The following ECPAS variants were observed in gnomAD, a reference collection of about 807,000 sequenced individuals.
ECPAS encodes Ecm29 proteasome adaptor and scaffold, also known as proteasome adapter and scaffold protein ECM29.
Under a neutral mutation model 255.1 loss-of-function variants are expected in ECPAS, and 70 were observed. The observed-to-expected ratio is 0.27, with a 90% CI of 0.23 to 0.33. ECPAS has a LOEUF of 0.33. ECPAS is among the 10% of genes least tolerant of loss of function. ECPAS has a pLI of 1.00. For synonymous variants in ECPAS, 784 were observed against 775.0 expected (o/e 1.01, Z -0.19); for missense variants, 1,817 against 2,206.4 (o/e 0.82, Z 3.54).
At chr9:111,480,075 T>C (rs2098302247) in intron 1 of ECPAS, among the ~76,000 whole-genome samples, 1 of 152,216 alleles carries the variant, frequency 6.6e-6, no homozygotes, top group East Asian at 1.9e-4. Context: ...ATAAAGTTAT[T>C]TGACTATCAA....
rs1247444876 is a variant in ECPAS, at chr9:111,371,773, C to G, written c.4585G>C (p.Ala1529Pro). 6.2e-7 allele frequency: 1 copy of G among 1,613,824 alleles called. No homozygotes were observed. The highest frequency in any genetic ancestry group is 8.5e-7 in the Non-Finnish European group (1 of 1,179,808). Residue 1529 changes from alanine to proline, a missense_variant, in exon 43 of 50, where the codon GCT (alanine) becomes CCT (proline). Around this residue, in one of 4 missense-constraint regions of ECPAS, gnomAD observed 960 missense variants for 1,179.0 expected, o/e 0.81. Coordinates refer to ENST00000684092, the MANE Select transcript of ECPAS (RefSeq NM_001364929.1). ...ATTTTCCAGGACTGAGACTGCAAAG[C>G]CTTCTGGGTAATAGTAATTAACTCC... ...LQELITITQKALQSQSWKMKA... is the reference protein window; with the variant it reads ...LQELITITQKPLQSQSWKMKA...
intron 2 of ECPAS, among the ~76,000 whole-genome samples, chr9:111,467,958 G>A (rs1249682523): frequency 6.6e-6 from 1 of 152,072 alleles, no homozygotes; most frequent in Non-Finnish European, 1.5e-5. Context: ...TTCAAGACCA[G>A]CCTGACCAAT....
chr9:111,368,003 C>T (rs1377816028), intron 46 of ECPAS, among the ~76,000 whole-genome samples: 2 of 151,548 alleles, frequency 1.3e-5, no homozygotes, highest in Non-Finnish European at 2.9e-5. Flanking sequence ...CCACTGCACT[C>T]CAGCCTGGGC....
intron 1 of ECPAS, chr9:111,483,795 C>CG: frequency 5.0e-6 from 1 of 198,320 alleles, no homozygotes; most frequent in Non-Finnish European, 8.9e-6. Context: ...GCCGCTGCCG[C>CG]CGCCGCCGTC....
intron 2 of ECPAS, among the ~76,000 whole-genome samples, chr9:111,468,412 G>T (rs1278676644): frequency 1.3e-5 from 2 of 152,152 alleles, no homozygotes; most frequent in Non-Finnish European, 2.9e-5. Context: ...GTTTAAGCGA[G>T]AAAGTAGGTG....
rs150902786 is a variant in ECPAS, at chr9:111,404,495, G to C, written c.2652+4076C>G. Among the ~76,000 whole-genome samples, 15 of 148,956 alleles carry C rather than the reference G, an allele frequency of 1.0e-4. 1 individual carries two copies. In the East Asian group the frequency reaches 2.3e-3, roughly 22 times the overall value. The stretch of plus-strand genomic sequence containing the variant: ...CCCAATGTTGGAGGAGAGGCCTGGT[G>C]GGGGGGTGACTGGATCTTGGGGGTG... On this transcript the variant is annotated intron_variant, in intron 24 of 49. Coordinates refer to ENST00000684092, the MANE Select transcript of ECPAS (RefSeq NM_001364929.1).
chr9:111,384,591 C>T (rs775089752), intron 33 of ECPAS, 22 bp from the exon 34 acceptor site: 1 of 1,611,334 alleles, frequency 6.2e-7, no homozygotes, highest in South Asian at 1.1e-5. Context: ...AAAAGTGTGA[C>T]ATCATACAAG....
intron 2 of ECPAS, among the ~76,000 whole-genome samples, chr9:111,460,367 C>G (rs1449096147): frequency 6.6e-6 from 1 of 152,134 alleles, no homozygotes; most frequent in Non-Finnish European, 1.5e-5. Flanking sequence ...TAAAAACTTA[C>G]AGCAAACATT....
chr9:111,444,974 G>A (rs546085980), intron 3 of ECPAS, among the ~76,000 whole-genome samples: 7 of 148,708 alleles, frequency 4.7e-5, no homozygotes, highest in Non-Finnish European at 7.4e-5. Flanking sequence ...GATTACAGGC[G>A]TAAGCCACTG....
At chr9:111,365,233 G>A (rs1425259475) in intron 48 of ECPAS, among the ~76,000 whole-genome samples, 1 of 151,990 alleles carries the variant, frequency 6.6e-6, no homozygotes, top group African/African-American at 2.4e-5. Context: ...TCACGCCACT[G>A]CACTCCAGCC....
At chr9:111,471,942 A>G (rs1181374498) in intron 2 of ECPAS, among the ~76,000 whole-genome samples, 4 of 149,766 alleles carry the variant, frequency 2.7e-5, no homozygotes, top group South Asian at 2.1e-4. Context: ...GTCTCTACCA[A>G]AAAAAAAAAT....
At chr9:111,444,574 T>C (rs2098250289) in intron 3 of ECPAS, 80 bp from the exon 4 acceptor site, 5 of 931,146 alleles carry the variant, frequency 5.4e-6, no homozygotes, top group Middle Eastern at 2.3e-4. Flanking sequence ...TTATCAGATG[T>C]TATCTATGTT....
intron 10 of ECPAS, among the ~76,000 whole-genome samples, chr9:111,426,478 A>G (rs907147689): frequency 6.6e-6 from 1 of 152,042 alleles, no homozygotes; most frequent in African/African-American, 2.4e-5. Flanking sequence ...TATCTGCTTT[A>G]TAATTGCCAC....
At chr9:111,481,143 G>A (rs1310551952) in intron 1 of ECPAS, among the ~76,000 whole-genome samples, 4 of 152,220 alleles carry the variant, frequency 2.6e-5, no homozygotes, top group Admixed American at 2.6e-4. Context: ...AGGATATAGA[G>A]AAATTAGAAC....
chr9:111,400,199 G>C (rs1302237718), intron 24 of ECPAS, among the ~76,000 whole-genome samples: 3 of 152,208 alleles, frequency 2.0e-5, no homozygotes, highest in African/African-American at 7.2e-5. Flanking sequence ...CCTGGGCTTA[G>C]GGTGCCCTCT....
In ECPAS at chr9:111,392,901, A is replaced by C; in HGVS notation, c.2978-19T>G. On this transcript the variant is annotated intron_variant, in intron 27 of 49. Coordinates refer to ENST00000684092, the MANE Select transcript of ECPAS (RefSeq NM_001364929.1). ...CTAAGTTCTACAAGAAAGTCAGACA[A>C]GATTGTATCACTTTAAAAAAAATTT... 1 of 1,560,404 alleles carries C rather than the reference A, an allele frequency of 6.4e-7. No homozygotes were observed. Among genetic ancestry groups the C allele is most frequent in the Non-Finnish European group, 8.7e-7 (1 of 1,148,914 alleles).
intron 35 of ECPAS, 118 bp downstream of exon 35, chr9:111,383,093 C>T: frequency 8.0e-7 from 1 of 1,243,804 alleles, no homozygotes; most frequent in Non-Finnish European, 1.1e-6. Flanking sequence ...CACAAATGAC[C>T]CAAGGGTCAT....
chr9:111,475,066 A>G (rs986649728), intron 1 of ECPAS, among the ~76,000 whole-genome samples: 2 of 152,162 alleles, frequency 1.3e-5, no homozygotes, highest in African/African-American at 4.8e-5. Context: ...TCATTTCTTG[A>G]GGTTTCCAAA....
intron 27 of ECPAS, among the ~76,000 whole-genome samples, chr9:111,393,263 A>G (rs184662184): frequency 2.0e-5 from 3 of 152,248 alleles, no homozygotes; most frequent in African/African-American, 4.8e-5. Context: ...ATGCAAGACC[A>G]TATGTTTAAA....
Sources: allele counts gnomAD v4.1 joint callset (sites outside exome capture counted in the v4.1 genomes callset), GRCh38; gene constraint gnomAD v4.1.1; regional missense constraint gnomAD v4.1.1; transcripts MANE v1.5; gene names NCBI Gene and HGNC (gene_info 2026-07-23, HGNC 2026-07-21).